CD300LF: variants seen among roughly 807,000 people sequenced by gnomAD.
The protein encoded by CD300LF is CD300 molecule like family member f, also known as CMRF35-like molecule 1.
In CD300LF, 27 loss-of-function variants were observed where a neutral mutation model predicts 32.2. The observed-to-expected ratio is 0.84, with a 90% CI of 0.62 to 1.15. The LOEUF (loss-of-function observed/expected upper bound fraction) is 1.15, where lower values mean the gene tolerates loss of function less well. CD300LF is among the 50% of genes most tolerant of loss of function. The pLI is 0.00. For synonymous variants in CD300LF, 139 were observed against 143.2 expected (o/e 0.97, Z 0.21); for missense variants, 348 against 356.8 (o/e 0.98, Z 0.20).
intron 3 of CD300LF, 143 bp from the exon 4 acceptor site, chr17:74,698,624 G>A (rs1190375287): frequency 6.7e-7 from 1 of 1,482,316 alleles, no homozygotes; most frequent in Non-Finnish European, 8.9e-7. Flanking sequence ...CCTCACTCCT[G>A]GGGATCCTCA....
intron 4 of CD300LF, among the ~76,000 whole-genome samples, chr17:74,697,484 G>C (rs1277411792): frequency 6.6e-6 from 1 of 152,188 alleles, no homozygotes; most frequent in Non-Finnish European, 1.5e-5. Context: ...CTCTAATTTT[G>C]AAAAAGCATC....
rs2032288558 is a variant in CD300LF, at chr17:74,695,005, T to C, written c.*91A>G. The C allele has an allele frequency of 1.5e-6, 2 of 1,379,130 alleles. No individual in the cohort carries two copies. The highest frequency in any genetic ancestry group is 2.9e-5 in the African/African-American group (2 of 68,778). 85.4% of individuals were successfully genotyped at this position (1,379,130 alleles called of 1,614,324 possible). On this transcript the variant is annotated 3_prime_UTR_variant, in exon 7 of 7. Transcript: ENST00000326165. The stretch of plus-strand genomic sequence containing the variant: ...TCAGGCAGAGGCACCAGTCCCCGGG[T>C]TGGTCCTGATGAGGGGAGCAGGGGG...
intron 3 of CD300LF, among the ~76,000 whole-genome samples, chr17:74,700,981 A>T (rs1363830806): frequency 6.6e-6 from 1 of 152,176 alleles, no homozygotes; most frequent in African/African-American, 2.4e-5. Context: ...AGACACACGC[A>T]GAGGGACGAC....
At chr17:74,702,315 A>G (rs931785153) in intron 3 of CD300LF, among the ~76,000 whole-genome samples, 4 of 152,184 alleles carry the variant, frequency 2.6e-5, no homozygotes, top group Non-Finnish European at 4.4e-5. Flanking sequence ...GCTATGGTGT[A>G]GAGCCCAGAG....
At chr17:74,710,886 C>T (rs548835066) in intron 1 of CD300LF, among the ~76,000 whole-genome samples, 2 of 151,202 alleles carry the variant, frequency 1.3e-5, no homozygotes, top group Admixed American at 1.3e-4. Context: ...AACAAAAAAT[C>T]TGTTCTTGCC....
At chr17:74,695,280 G>T (rs776057098) in intron 6 of CD300LF, 29 bp from the exon 7 acceptor site, 1 of 1,612,320 alleles carries the variant, frequency 6.2e-7, no homozygotes, top group Non-Finnish European at 8.5e-7. Flanking sequence ...CCAGGTCAGA[G>T]AGGACGGCAG....
chr17:74,695,003 G>T lies in CD300LF; in HGVS notation c.*93C>A. 1.5e-6 allele frequency: 2 copies of T among 1,379,144 alleles called. No individual in the cohort carries two copies. The highest frequency in any genetic ancestry group is 2.0e-6 in the Non-Finnish European group (2 of 1,008,778). 85.4% of individuals were successfully genotyped at this position (1,379,144 alleles called of 1,614,324 possible). A position where few individuals can be genotyped will look rare whatever the true frequency, so the allele number is the denominator to read the frequency against. ...GATCAGGCAGAGGCACCAGTCCCCG[G>T]GTTGGTCCTGATGAGGGGAGCAGGG... On this transcript the variant is annotated 3_prime_UTR_variant, in exon 7 of 7. Transcript: ENST00000326165.
intron 1 of CD300LF, among the ~76,000 whole-genome samples, 196 bp from the exon 2 acceptor site, chr17:74,705,012 C>T (rs1288983546): frequency 6.6e-6 from 1 of 152,196 alleles, no homozygotes; most frequent in African/African-American, 2.4e-5. Context: ...CACTGAAGAG[C>T]ACAACAACGG....
chr17:74,695,683 C>A (rs1486817038), intron 6 of CD300LF, 42 bp downstream of exon 6: 2 of 1,612,526 alleles, frequency 1.2e-6, no homozygotes, highest in Non-Finnish European at 1.7e-6. Flanking sequence ...AGGCCTGTGT[C>A]CCCCTGCCCC....
At chr17:74,700,418 T>A (rs1475609510) in intron 3 of CD300LF, among the ~76,000 whole-genome samples, 1 of 152,050 alleles carries the variant, frequency 6.6e-6, no homozygotes, top group East Asian at 1.9e-4. Context: ...TCTGTGTGGC[T>A]CACTTTCTCA....
intron 4 of CD300LF, among the ~76,000 whole-genome samples, chr17:74,697,045 G>A (rs185459668): frequency 3.9e-5 from 6 of 152,248 alleles, no homozygotes; most frequent in Admixed American, 6.5e-5. Context: ...GGGTTCAAGC[G>A]ATTCTCCTGC....
At chr17:74,708,443 G>A (rs771833791) in intron 1 of CD300LF, among the ~76,000 whole-genome samples, 66 of 152,250 alleles carry the variant, frequency 4.3e-4, no homozygotes, top group Admixed American at 7.9e-4. Context: ...TAATCTTGAT[G>A]CCAAAACCTG....
intron 5 of CD300LF, 76 bp downstream of exon 5, chr17:74,696,119 C>T: frequency 1.3e-6 from 2 of 1,536,324 alleles, no homozygotes; most frequent in Non-Finnish European, 1.8e-6. Context: ...TATTTTGGAC[C>T]TTCTGAGAGA....
At chr17:74,702,920 A>G in intron 3 of CD300LF, 115 bp downstream of exon 3, 2 of 848,016 alleles carry the variant, frequency 2.4e-6, no homozygotes, top group Non-Finnish European at 3.9e-6. Flanking sequence ...CCTCATCCTC[A>G]CCAAGGAGCA....
At chr17:74,695,978 C>A in intron 5 of CD300LF, 119 bp from the exon 6 acceptor site, 1 of 1,306,044 alleles carries the variant, frequency 7.7e-7, no homozygotes. Flanking sequence ...CTCCCATTTC[C>A]CTCCGTGTCC....
At chr17:74,696,728 G>C (rs2032516680) in intron 4 of CD300LF, among the ~76,000 whole-genome samples, 1 of 152,182 alleles carries the variant, frequency 6.6e-6, no homozygotes, top group African/African-American at 2.4e-5. Context: ...CCTCAGGTGG[G>C]CTGTAAGCTG....
chr17:74,701,847 CA>C (rs11321122), intron 3 of CD300LF, among the ~76,000 whole-genome samples: 37,384 of 86,690 alleles, frequency 0.43, 6,564 homozygotes, highest in African/African-American at 0.61. Flanking sequence ...GAGAATCCGT[CA>C]AAAAAAAAAA....
intron 1 of CD300LF, among the ~76,000 whole-genome samples, chr17:74,706,320 A>G (rs1233182650): frequency 1.3e-5 from 2 of 150,302 alleles, no homozygotes; most frequent in African/African-American, 4.9e-5. Context: ...CTGCGATTAT[A>G]GGTGTGAGCA....
At chr17:74,709,567 CT>C (rs552007025) in intron 1 of CD300LF, among the ~76,000 whole-genome samples, 147 of 149,530 alleles carry the variant, frequency 9.8e-4, no homozygotes, top group Non-Finnish European at 1.7e-3. Context: ...CCAAATTATT[CT>C]TTTTTTTTTG....
Sources: allele counts gnomAD v4.1 joint callset (sites outside exome capture counted in the v4.1 genomes callset), GRCh38; gene constraint gnomAD v4.1.1; transcripts MANE v1.5; gene names NCBI Gene and HGNC (gene_info 2026-07-23, HGNC 2026-07-21).